The following CMC1 variants were observed in gnomAD, a reference collection of about 807,000 sequenced individuals.
CMC1 encodes COX assembly mitochondrial protein homolog.
CMC1 carries 14 observed loss-of-function variants against 14.1 expected under a neutral mutation model. The observed-to-expected ratio is 0.99, with a 90% CI of 0.66 to 1.55. The LOEUF is 1.55. Ranked by LOEUF, CMC1 falls within the 40% of genes most tolerant of loss-of-function variation. The pLI, the probability that CMC1 is intolerant of heterozygous loss-of-function variation, is 0.00. For synonymous variants in CMC1, 50 were observed against 38.4 expected, an observed-to-expected ratio of 1.30 and a Z score of -1.12; for missense variants, 127 against 123.8, an observed-to-expected ratio of 1.03 and a Z score of -0.12.
intron 3 of CMC1, chr3:28,318,706 TC>T (rs1703058942): frequency 6.5e-6 from 1 of 152,738 alleles, no homozygotes. Context: ...TTCCTGCACA[TC>T]ATCTCTTCCT....
intron 2 of CMC1, among the ~76,000 whole-genome samples, chr3:28,301,185 G>A (rs1257903104): frequency 6.6e-6 from 1 of 152,044 alleles, no homozygotes; most frequent in African/African-American, 2.4e-5. Context: ...CTAATAATAT[G>A]TTATTCTTTT....
In CMC1 at chr3:28,298,015, A is replaced by G. The variant is rs530878328; in HGVS notation, c.110-18318A>G. 6.6e-5 allele frequency among the ~76,000 whole-genome samples: 10 copies of G among 152,120 alleles called. No homozygotes were observed. In the South Asian group the frequency reaches 2.1e-3, roughly 31 times the overall value. On this transcript the variant is annotated intron_variant, in intron 2 of 3. Transcript: ENST00000466830. ...CCAAACTGAGATGTTGGTCTGGTTC[A>G]AGAAAAACAGGATGGAGCCTTTTGT...
chr3:28,296,254 A>G (rs1216303814), intron 2 of CMC1, among the ~76,000 whole-genome samples: 1 of 152,098 alleles, frequency 6.6e-6, no homozygotes, highest in Non-Finnish European at 1.5e-5. Context: ...CATTGTAACC[A>G]TGTAATATTT....
chr3:28,259,422 TCA>T (rs1006901953), intron 1 of CMC1, among the ~76,000 whole-genome samples: 53 of 152,138 alleles, frequency 3.5e-4, no homozygotes, highest in African/African-American at 1.3e-3. Flanking sequence ...GGAAAAAATG[TCA>T]AAAAAGGGTC....
At chr3:28,311,303 A>G (rs188094088) in intron 2 of CMC1, among the ~76,000 whole-genome samples, 3 of 152,176 alleles carry the variant, frequency 2.0e-5, no homozygotes, top group Admixed American at 2.0e-4. Flanking sequence ...GGCTTTGTCT[A>G]TAGGTTGGAT....
At chr3:28,267,289 A>T (rs1326625919) in intron 2 of CMC1, among the ~76,000 whole-genome samples, 1 of 152,208 alleles carries the variant, frequency 6.6e-6, no homozygotes, top group Non-Finnish European at 1.5e-5. Context: ...ATTCCTCATT[A>T]TATTTCTTTG....
Position 28,324,534 on chromosome 3 carries a change from A to C in CMC1, c.*4905A>C. On this transcript the variant is annotated 3_prime_UTR_variant, in exon 4 of 4. Transcript: ENST00000466830. ...ATTCGATAACACTTCACCAATTTGA[A>C]TTCTAGAACTGGTGATGAAATTAAG... 3.2e-6 allele frequency: 4 copies of C among 1,236,152 alleles called. No homozygotes were observed. Among genetic ancestry groups the C allele is most frequent in the Non-Finnish European group, 4.3e-6 (4 of 932,496 alleles). The allele number at this position is 1,236,152 out of a possible 1,614,324, so 76.6% of individuals were successfully genotyped here.
Position 28,270,105 on chromosome 3 carries a change from C to A in CMC1, c.109+6725C>A, listed in dbSNP as rs2125482887. On this transcript the variant is annotated intron_variant, in intron 2 of 3. Transcript: ENST00000466830. ...CCATGTCCCTCATTCCTTTTTATGG[C>A]TGCATAGTATTCCATGGTGTATATG... Among the ~76,000 whole-genome samples the A allele has an allele frequency of 2.0e-5, 3 of 152,242 alleles. 1 individual carries two copies. The South Asian group carries it at 6.2e-4, about 32-fold the overall frequency.
chr3:28,311,910 A>T (rs1012711903), intron 2 of CMC1, among the ~76,000 whole-genome samples: 1 of 152,138 alleles, frequency 6.6e-6, no homozygotes, highest in Admixed American at 6.5e-5. Flanking sequence ...TGTTCAAAAG[A>T]TCTTTTCTAC....
In CMC1 at chr3:28,320,495, A is replaced by G. The variant is rs1285085401; in HGVS notation, c.*866A>G. 3 of 151,500 alleles carry G rather than the reference A, an allele frequency of 2.0e-5. No individual in the cohort carries two copies. The highest frequency in any genetic ancestry group is 1.9e-4 in the East Asian group (1 of 5,160). The allele number at this position is 151,500 out of a possible 1,614,324, so 9.4% of individuals were successfully genotyped here. A position where few individuals can be genotyped will look rare whatever the true frequency, so the allele number is the denominator to read the frequency against. The stretch of plus-strand genomic sequence containing the variant: ...ACGAGGGCTCCAGCCTCATCACCCT[A>G]TTACCTCTTAAAGGCTCCATTTCTT... On this transcript the variant is annotated 3_prime_UTR_variant, in exon 4 of 4. Coordinates refer to ENST00000466830, the MANE Select transcript of CMC1 (RefSeq NM_182523.2).
intron 2 of CMC1, among the ~76,000 whole-genome samples, chr3:28,286,807 A>T (rs1167383370): frequency 6.6e-6 from 1 of 152,202 alleles, no homozygotes; most frequent in Non-Finnish European, 1.5e-5. Flanking sequence ...CAATTTTAAC[A>T]CAGCACATGT....
intron 2 of CMC1, among the ~76,000 whole-genome samples, chr3:28,313,082 CCTGGCCT>C (rs1702719476): frequency 6.6e-6 from 1 of 152,068 alleles, no homozygotes; most frequent in African/African-American, 2.4e-5. Flanking sequence ...GACTCAAACT[CCTGGCCT>C]CAAGTGATCC....
chr3:28,275,861 A>T lies in CMC1; in HGVS notation c.109+12481A>T, dbSNP rs565598890. Among the ~76,000 whole-genome samples the T allele has an allele frequency of 1.6e-3, 243 of 152,288 alleles. 1 individual carries two copies. The highest frequency in any genetic ancestry group is 2.8e-3 in the Non-Finnish European group (190 of 68,000). ...GGCCCTGCCCAGTGAGGAGAGATGC[A>T]TCCAGGTTTGATCTAAACAGGCAGT... On this transcript the variant is annotated intron_variant, in intron 2 of 3. Coordinates refer to ENST00000466830, the MANE Select transcript of CMC1 (RefSeq NM_182523.2).
At chr3:28,267,221 T>C (rs1700052002) in intron 2 of CMC1, among the ~76,000 whole-genome samples, 1 of 152,218 alleles carries the variant, frequency 6.6e-6, no homozygotes, top group African/African-American at 2.4e-5. Context: ...CATACTAGTA[T>C]TAATACATTT....
chr3:28,324,232 C>G lies in CMC1; in HGVS notation c.*4603C>G. ...AGAACTGTGTTCCTGAAAGCATGTA[C>G]CATCATTAGGAATGGATCTCTCATT... On this transcript the variant is annotated 3_prime_UTR_variant, in exon 4 of 4. Coordinates refer to ENST00000466830, the MANE Select transcript of CMC1 (RefSeq NM_182523.2). The G allele has an allele frequency of 6.2e-7, 1 of 1,610,310 alleles. No individual in the cohort carries two copies. Among genetic ancestry groups the G allele is most frequent in the Non-Finnish European group, 8.5e-7 (1 of 1,177,506 alleles).
chr3:28,275,393 G>A (rs1489545203), intron 2 of CMC1, among the ~76,000 whole-genome samples: 4 of 145,788 alleles, frequency 2.7e-5, no homozygotes, highest in East Asian at 2.0e-4. Context: ...TGGTTTGCTC[G>A]GGGTCCGCTT....
chr3:28,284,862 A>C (rs569911595), intron 2 of CMC1, among the ~76,000 whole-genome samples: 4 of 152,126 alleles, frequency 2.6e-5, no homozygotes, highest in Admixed American at 2.0e-4. Context: ...ATTCTTAGCA[A>C]ACTCTTAGGG....
intron 2 of CMC1, among the ~76,000 whole-genome samples, chr3:28,292,404 C>T (rs1046723025): frequency 1.3e-5 from 2 of 151,828 alleles, no homozygotes; most frequent in African/African-American, 4.8e-5. Flanking sequence ...ATTTCTTTTT[C>T]TCCTTCTTCC....
intron 2 of CMC1, among the ~76,000 whole-genome samples, chr3:28,285,016 A>C (rs1701099893): frequency 6.6e-6 from 1 of 152,162 alleles, no homozygotes; most frequent in Non-Finnish European, 1.5e-5. Context: ...CCATCAGTGC[A>C]TTCTTTGATG....
Sources: allele counts gnomAD v4.1 joint callset (sites outside exome capture counted in the v4.1 genomes callset), GRCh38; gene constraint gnomAD v4.1.1; transcripts MANE v1.5; gene names NCBI Gene and HGNC (gene_info 2026-07-23, HGNC 2026-07-21).